Variants in CCAR2 observed in about 807,000 individuals in gnomAD.
CCAR2 encodes the protein cell cycle and apoptosis regulator protein 2.
A neutral mutation model predicts 108.1 loss-of-function variants in CCAR2; 21 were observed. The observed-to-expected ratio is 0.19, with a 90% confidence interval of 0.14 to 0.28. The LOEUF is 0.28. Ranked by LOEUF, CCAR2 falls within the 10% of genes least tolerant of loss-of-function variation. The probability of loss-of-function intolerance (pLI) is 1.00; values close to 1 mark genes in which losing one functional copy is unlikely to be tolerated. For synonymous variants in CCAR2, 577 were observed against 472.8 expected, an observed-to-expected ratio of 1.22 and a Z score of -2.86; for missense variants, 1,126 against 1,177.0, an observed-to-expected ratio of 0.96 and a Z score of 0.63.
chr8:22,610,086 T>C (rs1366336751), intron 7 of CCAR2, among the ~76,000 whole-genome samples: 1 of 152,148 alleles, frequency 6.6e-6, no homozygotes, highest in African/African-American at 2.4e-5. Context: ...AGGATGCTTC[T>C]GGTCCCAAGC....
At chr8:22,607,471 T>TG (rs1801120105) in intron 6 of CCAR2, 146 bp downstream of exon 6, 3 of 725,268 alleles carry the variant, frequency 4.1e-6, no homozygotes, top group African/African-American at 1.9e-5. Flanking sequence ...TTTAGGGTTT[T>TG]TTTTTTTTTT....
At position 22,616,866 on chromosome 8, in the gene CCAR2, CTTTTTTTTTTTTT is replaced by C. The variant is rs36086286; in HGVS notation, c.1846-536_1846-524del. 7.9e-3 allele frequency among the ~76,000 whole-genome samples: 430 copies of C among 54,718 alleles called. 4 individuals carry two copies. The highest frequency in any genetic ancestry group is 0.014 in the Admixed American group (49 of 3,542). The allele number at this position is 54,718 out of a possible 152,430, so 35.9% of individuals were successfully genotyped here. On this transcript the variant is annotated intron_variant, in intron 14 of 20. Coordinates refer to ENST00000308511, the MANE Select transcript of CCAR2 (RefSeq NM_001393997.1). ...AAACCTTTTCTAAAATACTAGTCTG[CTTTTTTTTTTTTT>C]TTTTTTTTTTTTTTTTTGGGGAGAT...
At position 22,618,419 on chromosome 8, in the gene CCAR2, A is replaced by G; in HGVS notation, c.2144A>G (p.Asn715Ser). 6.2e-7 allele frequency: 1 copy of G among 1,614,130 alleles called. No homozygotes were observed. Among genetic ancestry groups the G allele is most frequent in the Non-Finnish European group, 8.5e-7 (1 of 1,180,012 alleles). ...CLLAFVFFDANWCGYLHRRDL... is the reference protein window; with the variant it reads ...CLLAFVFFDASWCGYLHRRDL... ...CTTGCTTTTGTGTTCTTTGATGCCA[A>G]CTGGTGTGGCTACTTGCACCGGCGA... The change falls in exon 17 of 21, where the codon AAC becomes AGC. Residue 715 changes from asparagine to serine, a missense_variant. Around this residue, in one of 4 missense-constraint regions of CCAR2, gnomAD observed 1,013 missense variants for 993.9 expected, o/e 1.02. Transcript: ENST00000308511.
In CCAR2 at chr8:22,619,301, G is replaced by T; in HGVS notation, c.2673G>T (p.Glu891Asp). The T allele has an allele frequency of 6.4e-7, 1 of 1,564,036 alleles. No individual in the cohort carries two copies. Among genetic ancestry groups the T allele is most frequent in the East Asian group, 2.4e-5 (1 of 42,114 alleles). The change falls in exon 20 of 21, where the codon GAG (glutamate) becomes GAT (aspartate). Residue 891 changes from glutamate to aspartate, a missense_variant. Glu to Asp is a conservative substitution (Grantham distance 45). Coordinates refer to ENST00000308511, the MANE Select transcript of CCAR2 (RefSeq NM_001393997.1). ...QKSQLQRLLQ[E>D]LRRRLTPLQL... ...GCCAGCTCCAGCGGCTGCTGCAGGA[G>T]CTCCGCAGGCGTCTGACCCCCCTGC...
rs1257628596 is a variant in CCAR2 at position 22,618,571 on chromosome 8, AGGGTCG to A, written c.2221-42_2221-37del. 3 of 1,613,966 alleles carry A rather than the reference AGGGTCG, an allele frequency of 1.9e-6. No homozygotes were observed. The East Asian group carries it at 6.7e-5, about 36-fold the overall frequency. On this transcript the variant is annotated intron_variant, in intron 17 of 20. Coordinates refer to ENST00000308511, the MANE Select transcript of CCAR2 (RefSeq NM_001393997.1). ...CTGCTCTAGGTTCCCGCCCATGGCC[AGGGTCG>A]GGGACGGGGCCTTCTGATCAGCAGA...
intron 1 of CCAR2, 61 bp downstream of exon 1, chr8:22,604,903 C>G (rs1801003737): frequency 5.2e-6 from 2 of 385,356 alleles, no homozygotes; most frequent in South Asian, 1.8e-5. Flanking sequence ...CTCCGCTGGC[C>G]GAGGGGCTGC....
rs200001192 is a variant in CCAR2 at position 22,619,590 on chromosome 8, G to T, written c.2728-48G>T. 136 of 1,550,302 alleles carry T rather than the reference G, an allele frequency of 8.8e-5. 2 individuals are homozygous for T. Among genetic ancestry groups the T allele is most frequent in the South Asian group, 3.0e-4 (25 of 84,076 alleles). Reference sequence around the variant, plus strand: ...GGCAGTCCGCAGTCCGCAGTCCTCAGATCACCTTGCCAGGCCCGATTCTGG... The same window carrying T: ...GGCAGTCCGCAGTCCGCAGTCCTCATATCACCTTGCCAGGCCCGATTCTGG... On this transcript the variant is annotated intron_variant, in intron 20 of 20. Coordinates refer to ENST00000308511, the MANE Select transcript of CCAR2 (RefSeq NM_001393997.1).
At chr8:22,619,066 G>A (rs1360524577) in intron 19 of CCAR2, 51 bp downstream of exon 19, 2 of 1,601,692 alleles carry the variant, frequency 1.2e-6, no homozygotes, top group East Asian at 4.5e-5. Flanking sequence ...GACCAGTAGG[G>A]AACCTGCTGC....
At chr8:22,607,433 G>T (rs977618993) in intron 6 of CCAR2, 108 bp downstream of exon 6, 9 of 1,281,220 alleles carry the variant, frequency 7.0e-6, no homozygotes, top group Non-Finnish European at 9.6e-6. Flanking sequence ...CTATGTACTG[G>T]AAGAAAGGTG....
rs539647252 is a variant in CCAR2 at position 22,605,040 on chromosome 8, T to C, written c.-39+198T>C. 37 of 297,998 alleles carry C rather than the reference T, an allele frequency of 1.2e-4. No individual in the cohort carries two copies. The East Asian group carries it at 4.1e-3, about 33-fold the overall frequency. 18.5% of individuals were successfully genotyped at this position (297,998 alleles called of 1,614,324 possible). A position where few individuals can be genotyped will look rare whatever the true frequency, so the allele number is the denominator to read the frequency against. ...GCGGGAGGAGGAGAAACCGCGCGCC[T>C]CAGTCCTCCCTTGGTGGCCTCGCCG... On this transcript the variant is annotated intron_variant, in intron 1 of 20. Transcript: ENST00000308511.
At chr8:22,605,242 A>C (rs11777808) in intron 1 of CCAR2, 51,778 of 166,990 alleles carry the variant, frequency 0.31, 8,489 homozygotes, top group African/African-American at 0.32. Flanking sequence ...GGGCCCACAC[A>C]GTCTCCTCGC....
Position 22,615,908 on chromosome 8 carries a change from T to A in CCAR2, c.1604T>A (p.Phe535Tyr). The A allele has an allele frequency of 6.2e-7, 1 of 1,614,022 alleles. No individual in the cohort carries two copies. The highest frequency in any genetic ancestry group is 8.5e-7 in the Non-Finnish European group (1 of 1,180,008). The change falls in exon 13 of 21, where the codon TTT (phenylalanine) becomes TAT (tyrosine). Residue 535 changes from phenylalanine to tyrosine, a missense_variant. Physicochemically the swap from Phe to Tyr is conservative, Grantham distance 22 (BLOSUM62 3). This residue lies in a region of CCAR2 where 1,013 missense variants were observed against 993.9 expected (regional missense o/e 1.02). Coordinates refer to ENST00000308511, the MANE Select transcript of CCAR2 (RefSeq NM_001393997.1). ...EDRRPKERIS[F>Y]EVMVLAELFL... ...CGGAGGCCAAAGGAAAGGATCTCTT[T>A]TGAGGCAGGTGTCAAGAGTCTTGGG...
rs200603015 is a variant in CCAR2 at position 22,608,102 on chromosome 8, G to A, written c.584+37G>A. 185 of 1,445,324 alleles carry A rather than the reference G, an allele frequency of 1.3e-4. 1 individual carries two copies. In the South Asian group the frequency reaches 2.0e-3, roughly 16 times the overall value. 89.5% of individuals were successfully genotyped at this position (1,445,324 alleles called of 1,614,324 possible). A position where few individuals can be genotyped will look rare whatever the true frequency, so the allele number is the denominator to read the frequency against. On this transcript the variant is annotated intron_variant, in intron 7 of 20. Coordinates refer to ENST00000308511, the MANE Select transcript of CCAR2 (RefSeq NM_001393997.1). ...ATGTCCCTTTTTTTGGCCACTTGTT[G>A]ACACTAACATTCTCTTTATTTTATT...
Position 22,619,856 on chromosome 8 carries a change from G to C in CCAR2, c.*174G>C, listed in dbSNP as rs1801694743. ...GCCATCAGGCTGGGGGCTGTGCTAT[G>C]TGGGATGGATGTGTGAGGAACCCCG... On this transcript the variant is annotated 3_prime_UTR_variant, in exon 21 of 21. Coordinates refer to ENST00000308511, the MANE Select transcript of CCAR2 (RefSeq NM_001393997.1). The C allele has an allele frequency of 1.5e-6, 1 of 652,752 alleles. No individual in the cohort carries two copies. Among genetic ancestry groups the C allele is most frequent in the East Asian group, 2.7e-5 (1 of 36,452 alleles). The allele number at this position is 652,752 out of a possible 1,614,324, so 40.4% of individuals were successfully genotyped here.
intron 7 of CCAR2, among the ~76,000 whole-genome samples, chr8:22,612,190 G>A (rs1009078066): frequency 5.9e-5 from 9 of 152,054 alleles, no homozygotes; most frequent in Non-Finnish European, 8.8e-5. Context: ...CAAGTGATCC[G>A]CCCACTTCGG....
At chr8:22,604,995 G>A in intron 1 of CCAR2, 153 bp downstream of exon 1, 1 of 316,012 alleles carries the variant, frequency 3.2e-6, no homozygotes, top group South Asian at 2.3e-5. Flanking sequence ...CCCTGGCAAC[G>A]GCCTCGGCCT....
chr8:22,619,004 A>G lies in CCAR2; in HGVS notation c.2510A>G (p.Glu837Gly), dbSNP rs2117470147. 6.2e-7 allele frequency: 1 copy of G among 1,613,120 alleles called. No individual in the cohort carries two copies. The highest frequency in any genetic ancestry group is 2.2e-5 in the East Asian group (1 of 44,880). ...LYLENKIHTL[E>G]LKLEESHNRF... ...CTAGAGAACAAGATCCACACACTGG[A>G]GCTGAAGCTGGGTGAGGGCCTGGGG... is the stretch of plus-strand genomic sequence containing the variant. The change falls in exon 19 of 21, where the codon GAG becomes GGG. Residue 837 changes from glutamate (E) to glycine (G), a missense_variant. Physicochemically the swap from Glu to Gly is moderately conservative, Grantham distance 98 (BLOSUM62 -2). This residue lies in a region of CCAR2 where 1,013 missense variants were observed against 993.9 expected (regional missense o/e 1.02). Transcript: ENST00000308511.
chr8:22,615,874 G>A lies in CCAR2; in HGVS notation c.1570G>A (p.Val524Met), dbSNP rs1439494669. Residue 524 changes from valine to methionine, a missense_variant, in exon 13 of 21, where the codon GTG (valine) becomes ATG (methionine). This residue lies in a region of CCAR2 where 1,013 missense variants were observed against 993.9 expected (regional missense o/e 1.02). Coordinates refer to ENST00000308511, the MANE Select transcript of CCAR2 (RefSeq NM_001393997.1). Reference sequence around the variant, plus strand: ...TGTAAACCTGTCCCTCCATGGGATTGTGGAGGATCGGAGGCCAAAGGAAAG... The same window carrying A: ...TGTAAACCTGTCCCTCCATGGGATTATGGAGGATCGGAGGCCAAAGGAAAG... ...GCVNLSLHGI[V>M]EDRRPKERIS... The A allele has an allele frequency of 1.9e-6, 3 of 1,613,916 alleles. No individual in the cohort carries two copies. The highest frequency in any genetic ancestry group is 2.5e-6 in the Non-Finnish European group (3 of 1,180,022).
intron 7 of CCAR2, 190 bp from the exon 8 acceptor site, chr8:22,612,827 A>G (rs556961027): frequency 1.8e-5 from 11 of 614,622 alleles, no homozygotes; most frequent in Non-Finnish European, 5.2e-6. Flanking sequence ...CTTAACAGGA[A>G]TGTTTATTAA....
Sources: allele counts gnomAD v4.1 joint callset (sites outside exome capture counted in the v4.1 genomes callset), GRCh38; gene constraint gnomAD v4.1.1; regional missense constraint gnomAD v4.1.1; transcripts MANE v1.5; gene names NCBI Gene and HGNC (gene_info 2026-07-23, HGNC 2026-07-21).